Variants in FAM107A observed in about 807,000 individuals in gnomAD.
FAM107A encodes the protein family with sequence similarity 107 member A, also known as actin-associated protein FAM107A.
In FAM107A, 19 loss-of-function variants were observed where a neutral mutation model predicts 13.7. The ratio of observed to expected loss-of-function variants is 1.38; its 90% confidence interval spans 0.97 to 2.03. The LOEUF (loss-of-function observed/expected upper bound fraction) is 2.03. Among genes scored for constraint, FAM107A ranks in the 30% most tolerant of loss-of-function variants. The pLI is 0.00. For missense variants in FAM107A, 203 were observed against 184.4 expected (o/e 1.10, Z -0.58); for synonymous variants, 82 against 74.5 (o/e 1.10, Z -0.52).
chr3:58,608,243 T>C (rs575788274), intron 1 of FAM107A, among the ~76,000 whole-genome samples: 1 of 152,142 alleles, frequency 6.6e-6, no homozygotes, highest in South Asian at 2.1e-4. Flanking sequence ...GCTCAATAAA[T>C]AGTAGTTAAG....
upstream of FAM107A, among the ~76,000 whole-genome samples, chr3:58,580,830 C>T (rs74981405): frequency 0.013 from 1,976 of 151,346 alleles, 33 homozygotes; most frequent in African/African-American, 0.046. Context: ...GTGATGTTTG[C>T]GGTGTTAAAA....
chr3:58,584,228 T>A (rs537791187), intron 1 of FAM107A, among the ~76,000 whole-genome samples: 3 of 152,332 alleles, frequency 2.0e-5, no homozygotes, highest in African/African-American at 7.2e-5. Context: ...GGTTTCCTCA[T>A]GTTTCCAATA....
chr3:58,615,259 T>G (rs1317828522), intron 1 of FAM107A, among the ~76,000 whole-genome samples: 1 of 152,266 alleles, frequency 6.6e-6, no homozygotes, highest in East Asian at 1.9e-4. Context: ...TTTAATTTTT[T>G]CATGACTTTT....
intron 1 of FAM107A, among the ~76,000 whole-genome samples, chr3:58,622,458 A>C (rs941800581): frequency 8.3e-4 from 126 of 152,056 alleles, no homozygotes; most frequent in Non-Finnish European, 1.1e-3. Context: ...TGCCCCCCCC[A>C]AAAGAAAGCA....
upstream of FAM107A, among the ~76,000 whole-genome samples, chr3:58,578,536 C>G (rs984653080): frequency 2.6e-5 from 4 of 152,104 alleles, no homozygotes; most frequent in African/African-American, 9.7e-5. Context: ...CCACTGCACT[C>G]CAGCCTGGGT....
At position 58,564,124 on chromosome 3, in the gene FAM107A, A is replaced by C. The variant is rs546079963; in HGVS notation, c.*2464T>G. 1 of 152,344 alleles carries C rather than the reference A, an allele frequency of 6.6e-6. No homozygotes were observed. The highest frequency in any genetic ancestry group is 1.5e-5 in the Non-Finnish European group (1 of 68,042). The allele number at this position is 152,344 out of a possible 1,614,324, so 9.4% of individuals were successfully genotyped here. ...GAGACTGACCAACAATGGTTTAAACAAAGAGGGATTTATTTTATTTACAAG... is the reference window on the plus strand; with the variant it reads ...GAGACTGACCAACAATGGTTTAAACCAAGAGGGATTTATTTTATTTACAAG... On this transcript the variant is annotated 3_prime_UTR_variant, in exon 4 of 4. Coordinates refer to ENST00000360997, the MANE Select transcript of FAM107A (RefSeq NM_001076778.3). The surrounding 1 kb of genome is among the most constrained non-coding windows in gnomAD (Gnocchi z 5.6).
chr3:58,566,354 G>A lies in FAM107A; in HGVS notation c.*234C>T. The A allele has an allele frequency of 2.0e-6, 1 of 510,796 alleles. No individual in the cohort carries two copies. The highest frequency in any genetic ancestry group is 3.5e-6 in the Non-Finnish European group (1 of 289,736). The allele number at this position is 510,796 out of a possible 1,614,324, so 31.6% of individuals were successfully genotyped here. A position where few individuals can be genotyped will look rare whatever the true frequency, so the allele number is the denominator to read the frequency against. ...CTCTGAACCCCTTGCAGGGAGGGGTGCAGGTTATCCCTCTTGGAGCAGGAG... is the reference window on the plus strand; with the variant it reads ...CTCTGAACCCCTTGCAGGGAGGGGTACAGGTTATCCCTCTTGGAGCAGGAG... On this transcript the variant is annotated 3_prime_UTR_variant, in exon 4 of 4. Transcript: ENST00000360997.
At chr3:58,601,898 C>T (rs886595328) in intron 1 of FAM107A, among the ~76,000 whole-genome samples, 4 of 152,116 alleles carry the variant, frequency 2.6e-5, no homozygotes, top group Non-Finnish European at 5.9e-5. Flanking sequence ...TTTTCAAAGT[C>T]TTTGTGGTGT....
At position 58,577,160 on chromosome 3, in the gene FAM107A, C is replaced by A. The variant is rs960616620; in HGVS notation, c.-6+149G>T. ...CATCTCCCGTATCATTTTATGGATG[C>A]TGGGACATAGCCCGGGTACCTAAAC... is the stretch of plus-strand genomic sequence containing the variant. On this transcript the variant is annotated intron_variant, in intron 1 of 3. Transcript: ENST00000360997. The surrounding 1 kb of genome is among the most constrained non-coding windows in gnomAD (Gnocchi z 4.9). The A allele has an allele frequency of 1.0e-5, 2 of 192,630 alleles. No individual in the cohort carries two copies. Among genetic ancestry groups the A allele is most frequent in the African/African-American group, 4.7e-5 (2 of 42,194 alleles). The allele number at this position is 192,630 out of a possible 1,614,324, so 11.9% of individuals were successfully genotyped here.
At chr3:58,618,365 G>T (rs2108084302) in intron 1 of FAM107A, among the ~76,000 whole-genome samples, 1 of 152,322 alleles carries the variant, frequency 6.6e-6, no homozygotes. Flanking sequence ...TCTGCACCTG[G>T]GGTAGAATTG....
intron 1 of FAM107A, among the ~76,000 whole-genome samples, chr3:58,623,829 G>A (rs759541984): frequency 3.9e-5 from 6 of 152,234 alleles, no homozygotes; most frequent in African/African-American, 1.2e-4. Flanking sequence ...CTAAATGAGC[G>A]AATTGGTGCA....
rs2063612616 is a variant in FAM107A at position 58,565,591 on chromosome 3, C to A, written c.*997G>T. 6.6e-6 allele frequency: 1 copy of A among 151,868 alleles called. No individual in the cohort carries two copies. Among genetic ancestry groups the A allele is most frequent in the Non-Finnish European group, 1.5e-5 (1 of 67,980 alleles). The allele number at this position is 151,868 out of a possible 1,614,324, so 9.4% of individuals were successfully genotyped here. A position where few individuals can be genotyped will look rare whatever the true frequency, so the allele number is the denominator to read the frequency against. The stretch of plus-strand genomic sequence containing the variant: ...CTAGGCCAAAGTCTTCACGGGCAAT[C>A]CCTGGGGTGGGAGTCTGGGATGGGG... On this transcript the variant is annotated 3_prime_UTR_variant, in exon 4 of 4. Coordinates refer to ENST00000360997, the MANE Select transcript of FAM107A (RefSeq NM_001076778.3).
chr3:58,618,213 G>T (rs1392753582), intron 1 of FAM107A, among the ~76,000 whole-genome samples: 1 of 152,204 alleles, frequency 6.6e-6, no homozygotes, highest in African/African-American at 2.4e-5. Context: ...TTGGCTTTTG[G>T]TGCATGTGGA....
intron 1 of FAM107A, chr3:58,586,802 C>T: frequency 6.7e-7 from 1 of 1,495,488 alleles, no homozygotes; most frequent in Non-Finnish European, 8.9e-7. Context: ...GCGCCGTGCA[C>T]CACAGAGCCC....
intron 1 of FAM107A, among the ~76,000 whole-genome samples, chr3:58,599,344 T>C (rs1221672154): frequency 6.6e-6 from 1 of 152,216 alleles, no homozygotes. Context: ...CACTGGGAAG[T>C]GGAAATGCTA....
chr3:58,566,781 C>T, intron 3 of FAM107A, 86 bp from the exon 4 acceptor site: 2 of 1,095,394 alleles, frequency 1.8e-6, no homozygotes, highest in Non-Finnish European at 2.7e-6. Flanking sequence ...ACCAAGGGCC[C>T]ACTCAGTGGG....
At chr3:58,596,678 CAA>C (rs34782813) in intron 1 of FAM107A, among the ~76,000 whole-genome samples, 5 of 134,254 alleles carry the variant, frequency 3.7e-5, no homozygotes, top group Admixed American at 7.3e-5. Flanking sequence ...GACTCGGTCT[CAA>C]AAAAAAAAAA....
chr3:58,602,047 G>A (rs2065757148), intron 1 of FAM107A, among the ~76,000 whole-genome samples: 1 of 152,116 alleles, frequency 6.6e-6, no homozygotes, highest in Non-Finnish European at 1.5e-5. Context: ...AATCCTGTAT[G>A]AGGCAGAGCT....
chr3:58,579,243 G>T (rs1559478659), upstream of FAM107A, among the ~76,000 whole-genome samples: 1 of 152,120 alleles, frequency 6.6e-6, no homozygotes, highest in Non-Finnish European at 1.5e-5. Flanking sequence ...GTGATGTAAA[G>T]GCAGGCTGGG....
Sources: gnomAD v4.1 joint callset for allele counts (sites outside exome capture counted in the v4.1 genomes callset) on GRCh38, gnomAD v4.1.1 for gene constraint, Gnocchi (gnomAD v3.1) non-coding constraint, MANE v1.5 for transcripts, NCBI Gene and HGNC (gene_info 2026-07-23, HGNC 2026-07-21) for gene names.